Variants in TBCD observed in about 807,000 individuals in gnomAD.
TBCD encodes the protein tubulin-specific chaperone D.
A neutral mutation model predicts 169.3 loss-of-function variants in TBCD; 105 were observed. That is an observed-to-expected ratio of 0.62 (90% CI 0.53 to 0.73). TBCD has a LOEUF of 0.73. Among genes scored for constraint, TBCD ranks in the 30% least tolerant of loss-of-function variants. The probability of loss-of-function intolerance (pLI) is 0.00; values close to 1 mark genes in which losing one functional copy is unlikely to be tolerated. For synonymous variants in TBCD, 700 were observed against 643.9 expected (o/e 1.09, Z -1.32); for missense variants, 1,444 against 1,600.1 (o/e 0.90, Z 1.66).
intron 13 of TBCD, among the ~76,000 whole-genome samples, chr17:82,852,903 G>C (rs1437071192): frequency 6.6e-6 from 1 of 152,180 alleles, no homozygotes; most frequent in African/African-American, 2.4e-5. Context: ...TGTTCGGAAA[G>C]TTAAGGGAAT....
intron 23 of TBCD, among the ~76,000 whole-genome samples, chr17:82,916,459 G>A (rs2061040893): frequency 6.6e-6 from 1 of 151,188 alleles, no homozygotes; most frequent in Non-Finnish European, 1.5e-5. Context: ...GGGCCAGGCT[G>A]GTCTTGAACT....
intron 37 of TBCD, 115 bp downstream of exon 37, chr17:82,939,591 T>C: frequency 1.2e-6 from 1 of 816,510 alleles, no homozygotes; most frequent in South Asian, 1.6e-5. Flanking sequence ...GAAAGAGGGT[T>C]CCCAGGTCTC....
chr17:82,753,324 G>A (rs2143729154), intron 1 of TBCD, among the ~76,000 whole-genome samples: 1 of 152,248 alleles, frequency 6.6e-6, no homozygotes, highest in East Asian at 1.9e-4. Context: ...GTTTCTTCGG[G>A]TGTAAGCTGG....
At position 82,843,393 on chromosome 17, in the gene TBCD, CCTCCCCGTCCAGCTTATATACCCTTCCT is replaced by C. The variant is rs1319144532; in HGVS notation, c.1319-26830_1319-26803del. Among the ~76,000 whole-genome samples, 9 of 137,688 alleles carry C rather than the reference CCTCCCCGTCCAGCTTATATACCCTTCCT, an allele frequency of 6.5e-5. 1 individual carries two copies. Among genetic ancestry groups the C allele is most frequent in the African/African-American group, 2.6e-4 (9 of 35,170 alleles). 90.3% of individuals were successfully genotyped at this position (137,688 alleles called of 152,430 possible). On this transcript the variant is annotated intron_variant, in intron 13 of 38. Transcript: ENST00000355528. Reference sequence around the variant, plus strand: ...TCCAGCTTACTTATCATTCCCTTCCCCTCCCCGTCCAGCTTATATACCCTTCCTTTCCCCTCCCCATCCAGCTTACATA... The same window carrying C: ...TCCAGCTTACTTATCATTCCCTTCCCTTCCCCTCCCCATCCAGCTTACATA...
rs773648346 is a variant in TBCD, at chr17:82,932,879, C to G, written c.3191+144C>G. ...GGGTCAGTTATGGTGACTGTAAATA[C>G]CGTCATCACAGCTGGCCCTCAAAAT... On this transcript the variant is annotated intron_variant, in intron 34 of 38. Coordinates refer to ENST00000355528, the MANE Select transcript of TBCD (RefSeq NM_005993.5). 4 of 707,824 alleles carry G rather than the reference C, an allele frequency of 5.7e-6. No individual in the cohort carries two copies. In the Admixed American group the frequency reaches 7.5e-5, roughly 13 times the overall value. The allele number at this position is 707,824 out of a possible 1,614,324, so 43.8% of individuals were successfully genotyped here.
intron 1 of TBCD, 94 bp downstream of exon 1, chr17:82,752,471 G>T: frequency 2.9e-6 from 3 of 1,038,724 alleles, no homozygotes; most frequent in Non-Finnish European, 3.6e-6. Context: ...GCCCGGCGGC[G>T]CCGGCCGCTC....
chr17:82,909,162 C>T (rs2060444500), intron 21 of TBCD, 123 bp from the exon 22 acceptor site: 4 of 768,380 alleles, frequency 5.2e-6, no homozygotes, highest in Non-Finnish European at 4.1e-6. Context: ...CCCTAGGCGG[C>T]TCTCCTGGCT....
At chr17:82,875,178 C>T (rs961354693) in intron 14 of TBCD, among the ~76,000 whole-genome samples, 3 of 152,246 alleles carry the variant, frequency 2.0e-5, no homozygotes, top group African/African-American at 2.4e-5. Context: ...GAAGGAGCTT[C>T]GTAGGTAACT....
chr17:82,806,969 G>A lies in TBCD; in HGVS notation c.1088-639G>A, dbSNP rs900308967. ...GGTTCATTCCCGTCTCCCACCCGCT[G>A]CAGGCAGTCCCCCCTGCCCGCATTC... On this transcript the variant is annotated intron_variant, in intron 10 of 38. Transcript: ENST00000355528. The surrounding 1 kb of genome is among the most constrained non-coding windows in gnomAD (Gnocchi z 5.1). 2.6e-5 allele frequency among the ~76,000 whole-genome samples: 4 copies of A among 152,212 alleles called. No homozygotes were observed. The highest frequency in any genetic ancestry group is 9.7e-5 in the African/African-American group (4 of 41,450).
intron 1 of TBCD, 77 bp from the exon 2 acceptor site, chr17:82,756,088 G>A: frequency 1.5e-6 from 2 of 1,334,730 alleles, no homozygotes; most frequent in Non-Finnish European, 2.1e-6. Context: ...AAGCTAGCAA[G>A]GGAAAATGGG....
intron 13 of TBCD, among the ~76,000 whole-genome samples, chr17:82,820,293 A>G (rs531662964): frequency 5.8e-4 from 89 of 152,290 alleles, no homozygotes; most frequent in Admixed American, 3.9e-3. Flanking sequence ...TACTATTTTG[A>G]TAAAATGTAT....
At chr17:82,759,692 C>T (rs369845027) in intron 2 of TBCD, among the ~76,000 whole-genome samples, 7 of 152,082 alleles carry the variant, frequency 4.6e-5, no homozygotes, top group East Asian at 3.9e-4. Flanking sequence ...TTTGGTAGTA[C>T]GGTTAGAAAG....
chr17:82,934,613 C>T (rs1225923574), intron 34 of TBCD, among the ~76,000 whole-genome samples: 1 of 152,010 alleles, frequency 6.6e-6, no homozygotes, highest in Non-Finnish European at 1.5e-5. Flanking sequence ...GCTGGGATTA[C>T]AGGCATGTGC....
intron 23 of TBCD, among the ~76,000 whole-genome samples, chr17:82,914,934 C>G (rs952557171): frequency 9.2e-5 from 14 of 152,224 alleles, no homozygotes; most frequent in African/African-American, 3.4e-4. Flanking sequence ...CCCGCATCTC[C>G]CAGTCCCACA....
Position 82,930,920 on chromosome 17 carries a change from A to G in TBCD, c.3113+277A>G, listed in dbSNP as rs1034494590. On this transcript the variant is annotated intron_variant, in intron 33 of 38. Transcript: ENST00000355528. This position sits in a 1 kb window ranked among gnomAD's most constrained non-coding sequence, Gnocchi z 5.2. The stretch of plus-strand genomic sequence containing the variant: ...CAATGGACGTAAAGGTAGTATGAGT[A>G]CAAGGTGGTCCCTGTGTGTAGGAAG... 9.2e-5 allele frequency among the ~76,000 whole-genome samples: 14 copies of G among 152,204 alleles called. No individual in the cohort carries two copies. The highest frequency in any genetic ancestry group is 3.4e-4 in the African/African-American group (14 of 41,450).
rs1032422732 is a variant in TBCD, at chr17:82,801,126, G to A, written c.950+130G>A. On this transcript the variant is annotated intron_variant, in intron 9 of 38. Coordinates refer to ENST00000355528, the MANE Select transcript of TBCD (RefSeq NM_005993.5). ...GGTGCTGTGGGGAGGCAGTCGCCCT[G>A]TTGCGGGGTGGGGGAGGCAGGCGCC... 41 of 497,322 alleles carry A rather than the reference G, an allele frequency of 8.2e-5. No individual in the cohort carries two copies. The Middle Eastern group carries it at 2.1e-3, about 25-fold the overall frequency. The allele number at this position is 497,322 out of a possible 1,614,324, so 30.8% of individuals were successfully genotyped here. A position where few individuals can be genotyped will look rare whatever the true frequency, so the allele number is the denominator to read the frequency against.
At chr17:82,813,334 T>C (rs1310356833) in intron 12 of TBCD, among the ~76,000 whole-genome samples, 1 of 152,166 alleles carries the variant, frequency 6.6e-6, no homozygotes, top group African/African-American at 2.4e-5. Flanking sequence ...CTATTTTCTG[T>C]TGTCTTCCCT....
intron 13 of TBCD, among the ~76,000 whole-genome samples, chr17:82,828,187 A>C (rs2053085981): frequency 7.0e-6 from 1 of 142,458 alleles, no homozygotes; most frequent in African/African-American, 2.6e-5. Context: ...TCGAATGCAC[A>C]CACCCGCAGA....
Position 82,833,153 on chromosome 17 carries a change from C to T in TBCD, c.1318+18219C>T, listed in dbSNP as rs2053666847. On this transcript the variant is annotated intron_variant, in intron 13 of 38. Coordinates refer to ENST00000355528, the MANE Select transcript of TBCD (RefSeq NM_005993.5). This position sits in a 1 kb window ranked among gnomAD's most constrained non-coding sequence, Gnocchi z 4.7. ...ACGAAGGGGTTTGTGGCTGTTTCCC[C>T]TTAACATGTACCCACAGTCACAGAG... Among the ~76,000 whole-genome samples the T allele has an allele frequency of 6.6e-6, 1 of 152,088 alleles. No individual in the cohort carries two copies. Among genetic ancestry groups the T allele is most frequent in the South Asian group, 2.1e-4 (1 of 4,826 alleles).
Sources: gnomAD v4.1 joint callset for allele counts (sites outside exome capture counted in the v4.1 genomes callset) on GRCh38, gnomAD v4.1.1 for gene constraint, Gnocchi (gnomAD v3.1) non-coding constraint, MANE v1.5 for transcripts, NCBI Gene and HGNC (gene_info 2026-07-23, HGNC 2026-07-21) for gene names.